Variants in KIF21A observed in about 807,000 individuals in gnomAD.
KIF21A encodes kinesin-like protein KIF21A.
In KIF21A, 114 loss-of-function variants were observed where a neutral mutation model predicts 202.9. The ratio of observed to expected loss-of-function variants is 0.56; its 90% confidence interval spans 0.48 to 0.66. KIF21A has a LOEUF of 0.66. Ranked by LOEUF, KIF21A falls within the 30% of genes least tolerant of loss-of-function variation. The pLI is 0.00. For synonymous variants in KIF21A, 667 were observed against 670.8 expected (o/e 0.99, Z 0.09); for missense variants, 1,677 against 1,994.9 (o/e 0.84, Z 3.04).
intron 28 of KIF21A, 118 bp from the exon 29 acceptor site, chr12:39,318,319 T>C: frequency 1.1e-6 from 1 of 925,710 alleles, no homozygotes; most frequent in Non-Finnish European, 1.6e-6. Context: ...CCTTCTTTCC[T>C]TTCTTCCTTT....
intron 1 of KIF21A, among the ~76,000 whole-genome samples, chr12:39,412,740 T>C (rs1953211731): frequency 6.6e-6 from 1 of 151,972 alleles, no homozygotes; most frequent in Admixed American, 6.6e-5. Context: ...AAAAAATTAA[T>C]TAGCAATATA....
chr12:39,364,633 C>T (rs1333554650), intron 6 of KIF21A, among the ~76,000 whole-genome samples: 3 of 152,106 alleles, frequency 2.0e-5, no homozygotes, highest in African/African-American at 7.2e-5. Flanking sequence ...GGGAGGAAAG[C>T]AGACACCACA....
chr12:39,441,667 A>AAAAAAAAAAAAAAAAAAAAAC (rs1566428715), intron 1 of KIF21A, among the ~76,000 whole-genome samples: 1 of 145,686 alleles, frequency 6.9e-6, no homozygotes, highest in Non-Finnish European at 1.5e-5. Context: ...TGGTAAAAAA[A>AAAAAAAAAAAAAAAAAAAAAC]AAAAAAAAAA....
chr12:39,307,692 C>T lies in KIF21A; in HGVS notation c.4315G>A (p.Ala1439Thr), dbSNP rs1943608853. 1 of 1,613,974 alleles carries T rather than the reference C, an allele frequency of 6.2e-7. No homozygotes were observed. Among genetic ancestry groups the T allele is most frequent in the African/African-American group, 1.3e-5 (1 of 75,030 alleles). Residue 1439 changes from alanine (A) to threonine (T), a missense_variant, in exon 34 of 38, where the codon GCA becomes ACA. Physicochemically the swap from Ala to Thr is moderately conservative, Grantham distance 58. This residue lies in a region of KIF21A where 705 missense variants were observed against 791.9 expected (regional missense o/e 0.89). Transcript: ENST00000361418. ...GQVTLGDACS[A>T]STSRTVAIPS... is the part of the protein sequence containing the mutation. ...ATAGCTACTGTTCGACTGGTACTTG[C>T]AGAACAAGCATCTCCAAGAGTAACT...
chr12:39,418,072 G>A (rs1953928517), intron 1 of KIF21A, among the ~76,000 whole-genome samples: 1 of 151,964 alleles, frequency 6.6e-6, no homozygotes, highest in South Asian at 2.1e-4. Flanking sequence ...GTCAAGCGTG[G>A]TGGTGTATGC....
chr12:39,383,567 A>C (rs924189193), intron 1 of KIF21A, among the ~76,000 whole-genome samples: 8 of 152,232 alleles, frequency 5.3e-5, no homozygotes, highest in Non-Finnish European at 1.2e-4. Flanking sequence ...TGCAGGAGAA[A>C]TAAAGAATAA....
Position 39,307,703 on chromosome 12 carries a change from T to C in KIF21A, c.4304A>G (p.Asp1435Gly). 6.2e-7 allele frequency: 1 copy of C among 1,614,020 alleles called. No homozygotes were observed. The highest frequency in any genetic ancestry group is 8.5e-7 in the Non-Finnish European group (1 of 1,179,952). The change falls in exon 34 of 38, where the codon GAT becomes GGT. Residue 1435 changes from aspartate to glycine, a missense_variant. Asp to Gly is a moderately conservative substitution (Grantham distance 94, BLOSUM62 -1). Transcript: ENST00000361418. The part of the protein sequence containing the change: ...LTSSGQVTLG[D>G]ACSASTSRTV... ...TCGACTGGTACTTGCAGAACAAGCA[T>C]CTCCAAGAGTAACTTGACCTGAAGA...
intron 15 of KIF21A, 23 bp downstream of exon 15, chr12:39,340,883 T>G (rs769583058): frequency 6.5e-7 from 1 of 1,549,924 alleles, no homozygotes; most frequent in South Asian, 1.1e-5. Flanking sequence ...TGAACTTTCA[T>G]TTGAATTAAA....
chr12:39,387,752 G>A (rs987771561), intron 1 of KIF21A, among the ~76,000 whole-genome samples: 1 of 152,088 alleles, frequency 6.6e-6, no homozygotes, highest in Admixed American at 6.6e-5. Context: ...ATCAGAACTT[G>A]GGGAGAGAGC....
At chr12:39,381,269 T>C (rs1950595628) in intron 1 of KIF21A, among the ~76,000 whole-genome samples, 1 of 145,294 alleles carries the variant, frequency 6.9e-6, no homozygotes, top group Non-Finnish European at 1.5e-5. Context: ...ATCGAGCCAC[T>C]GCACTCCAGC....
intron 1 of KIF21A, among the ~76,000 whole-genome samples, chr12:39,389,433 T>C (rs1951188171): frequency 6.6e-6 from 1 of 152,266 alleles, no homozygotes; most frequent in South Asian, 2.1e-4. Context: ...TGGTATAAAC[T>C]GAGAAATAAT....
At chr12:39,343,870 C>T (rs190071572) in intron 12 of KIF21A, among the ~76,000 whole-genome samples, 63 of 152,166 alleles carry the variant, frequency 4.1e-4, no homozygotes, top group African/African-American at 1.5e-3. Flanking sequence ...TAAACCAATC[C>T]CTGTGACTAT....
At chr12:39,339,965 T>C (rs1947310966) in intron 16 of KIF21A, among the ~76,000 whole-genome samples, 200 bp downstream of exon 16, 1 of 152,174 alleles carries the variant, frequency 6.6e-6, no homozygotes. Flanking sequence ...GAGCACATGA[T>C]TTTCAGCTAC....
At chr12:39,347,735 C>T (rs1181517536) in intron 11 of KIF21A, among the ~76,000 whole-genome samples, 1 of 151,886 alleles carries the variant, frequency 6.6e-6, no homozygotes, top group African/African-American at 2.4e-5. Context: ...TTAGAAAAAG[C>T]AAAGTAAAGC....
chr12:39,307,739 T>C lies in KIF21A; in HGVS notation c.4278-10A>G, dbSNP rs746027600. The C allele has an allele frequency of 8.1e-6, 13 of 1,613,140 alleles. No homozygotes were observed. The highest frequency in any genetic ancestry group is 1.1e-5 in the South Asian group (1 of 91,030). The stretch of plus-strand genomic sequence containing the variant: ...AACTTGACCTGAAGACCTTAAGAGA[T>C]ACAAACAAAGCAAAAAAGTCACACT... On this transcript the variant is annotated splice_polypyrimidine_tract_variant and intron_variant, in intron 33 of 37. Coordinates refer to ENST00000361418, the MANE Select transcript of KIF21A (RefSeq NM_001173464.2).
Position 39,356,502 on chromosome 12 carries a change from G to C in KIF21A, c.1469+330C>G, listed in dbSNP as rs111812728. ...AGATATTGATCTATTCCCAACTGATGGGGGAAGAGGCATACGAAGGAAAGG... is the reference window on the plus strand; with the variant it reads ...AGATATTGATCTATTCCCAACTGATCGGGGAAGAGGCATACGAAGGAAAGG... On this transcript the variant is annotated intron_variant, in intron 10 of 37. Transcript: ENST00000361418. 402 of 201,012 alleles carry C rather than the reference G, an allele frequency of 2.0e-3. 3 individuals carry two copies. The highest frequency in any genetic ancestry group is 8.6e-3 in the African/African-American group (367 of 42,486). 12.5% of individuals were successfully genotyped at this position (201,012 alleles called of 1,614,324 possible). A position where few individuals can be genotyped will look rare whatever the true frequency, so the allele number is the denominator to read the frequency against.
At chr12:39,421,985 TC>T (rs1954331260) in intron 1 of KIF21A, among the ~76,000 whole-genome samples, 1 of 151,722 alleles carries the variant, frequency 6.6e-6, no homozygotes, top group African/African-American at 2.4e-5. Flanking sequence ...GAGGGCAAAC[TC>T]TCACTTTATC....
At position 39,325,901 on chromosome 12, in the gene KIF21A, C is replaced by G; in HGVS notation, c.3402-8G>C. ...AGATCTGAAGACAGCGTGCTATGTG[C>G]AAATAAATAATTAAGCACAAGATTA... On this transcript the variant is annotated splice_region_variant and splice_polypyrimidine_tract_variant and intron_variant, in intron 25 of 37. Coordinates refer to ENST00000361418, the MANE Select transcript of KIF21A (RefSeq NM_001173464.2). 6.2e-7 allele frequency: 1 copy of G among 1,606,094 alleles called. No individual in the cohort carries two copies. The highest frequency in any genetic ancestry group is 1.1e-5 in the South Asian group (1 of 90,702).
chr12:39,337,024 TTCC>T (rs1947035987), intron 17 of KIF21A, 69 bp downstream of exon 17: 2 of 984,414 alleles, frequency 2.0e-6, no homozygotes, highest in Non-Finnish European at 3.2e-6. Context: ...CCAGAAATTT[TTCC>T]TCCATTTATT....
Sources: gnomAD v4.1 joint callset for allele counts (sites outside exome capture counted in the v4.1 genomes callset) on GRCh38, gnomAD v4.1.1 for gene constraint, gnomAD v4.1.1 regional missense constraint, MANE v1.5 for transcripts, NCBI Gene and HGNC (gene_info 2026-07-23, HGNC 2026-07-21) for gene names.